BPIFB1: variants seen among roughly 807,000 people sequenced by gnomAD.
BPIFB1 encodes BPI fold containing family B member 1, also known as BPI fold-containing family B member 1.
In BPIFB1, 34 loss-of-function variants were observed where a neutral mutation model predicts 55.1. The ratio of observed to expected loss-of-function variants is 0.62; its 90% CI spans 0.47 to 0.82. BPIFB1 has a LOEUF of 0.82. Among genes scored for constraint, BPIFB1 ranks in the 40% least tolerant of loss-of-function variants. The pLI, the probability that BPIFB1 is intolerant of heterozygous loss-of-function variation, is 0.00. For synonymous variants in BPIFB1, 236 were observed against 245.3 expected, an observed-to-expected ratio of 0.96 and a Z score of 0.35; for missense variants, 532 against 593.1, an observed-to-expected ratio of 0.90 and a Z score of 1.07.
chr20:33,308,845 A>G (rs1981135618), intron 15 of BPIFB1, among the ~76,000 whole-genome samples: 1 of 150,212 alleles, frequency 6.7e-6, no homozygotes, highest in Non-Finnish European at 1.5e-5. Context: ...CACACATAAT[A>G]CACACACCAC....
rs1414570410 is a variant in BPIFB1 at position 33,306,453 on chromosome 20, GA to G, written c.1318+389del. On this transcript the variant is annotated intron_variant, in intron 14 of 15. Transcript: ENST00000253354. ...TCAGTTTCTCCATCTGTAAAATGGGGACGTAGAAGTACCTTCTTCAGAGGCA... is the reference window on the plus strand; with the variant it reads ...TCAGTTTCTCCATCTGTAAAATGGGGCGTAGAAGTACCTTCTTCAGAGGCA... The G allele has an allele frequency of 1.1e-5, 4 of 348,794 alleles. No homozygotes were observed. The East Asian group carries it at 2.2e-4, about 19-fold the overall frequency. The allele number at this position is 348,794 out of a possible 1,614,324, so 21.6% of individuals were successfully genotyped here. A position where few individuals can be genotyped will look rare whatever the true frequency, so the allele number is the denominator to read the frequency against.
In BPIFB1 at chr20:33,306,705, A is replaced by AGGGGCCAGAAGCC. The variant is rs1981038274; in HGVS notation, c.1319-205_1319-193dup. ...GAGAATGTGAGGACTGCATTTTGTG[A>AGGGGCCAGAAGCC]GGGGCCAGAAGCCAGTGCCAGAGGC... On this transcript the variant is annotated intron_variant, in intron 14 of 15. Transcript: ENST00000253354. 5.1e-6 allele frequency: 3 copies of AGGGGCCAGAAGCC among 587,092 alleles called. No homozygotes were observed. In the Admixed American group the frequency reaches 8.9e-5, roughly 17 times the overall value. The allele number at this position is 587,092 out of a possible 1,614,324, so 36.4% of individuals were successfully genotyped here.
chr20:33,283,463 G>C (rs374282815), intron 1 of BPIFB1, among the ~76,000 whole-genome samples: 3 of 152,294 alleles, frequency 2.0e-5, no homozygotes, highest in Admixed American at 1.3e-4. Flanking sequence ...GAAGGGATGG[G>C]GCTGGCTGAG....
intron 7 of BPIFB1, among the ~76,000 whole-genome samples, chr20:33,299,559 G>A (rs1980778339): frequency 6.6e-6 from 1 of 152,188 alleles, no homozygotes; most frequent in African/African-American, 2.4e-5. Context: ...GCATAAAACC[G>A]ACTGGGTTCC....
At chr20:33,297,893 C>T (rs1808439254) in intron 7 of BPIFB1, among the ~76,000 whole-genome samples, 3 of 152,210 alleles carry the variant, frequency 2.0e-5, no homozygotes, top group African/African-American at 7.2e-5. Context: ...TCCTCATCCT[C>T]GGTTTCCTCA....
rs2424968 is a variant in BPIFB1 at position 33,300,631 on chromosome 20, G to A, written c.748-602G>A. On this transcript the variant is annotated intron_variant, in intron 8 of 15. Coordinates refer to ENST00000253354, the MANE Select transcript of BPIFB1 (RefSeq NM_033197.3). ...AGACTGAGTCTCACTCTGTCACCCA[G>A]GCTGGAGTGCAGTGGTGCCATCACA... 5.3e-5 allele frequency among the ~76,000 whole-genome samples: 8 copies of A among 152,320 alleles called. No individual in the cohort carries two copies. The South Asian group carries it at 1.2e-3, about 24-fold the overall frequency.
At chr20:33,291,830 T>TC (rs1980481926) in intron 5 of BPIFB1, 77 bp from the exon 6 acceptor site, 1 of 1,348,642 alleles carries the variant, frequency 7.4e-7, no homozygotes, top group African/African-American at 1.4e-5. Context: ...AGACTCAGCC[T>TC]CCCCCTCTGT....
In BPIFB1 at chr20:33,283,791, A is replaced by T. The variant is rs1254823680; in HGVS notation, c.-42+537A>T. Reference sequence around the variant, plus strand: ...AGCAAAGGCTGGGAGAGGAGGTGCCATATGACAGGGGCGTGTGTGGTGCCT... The same window carrying T: ...AGCAAAGGCTGGGAGAGGAGGTGCCTTATGACAGGGGCGTGTGTGGTGCCT... On this transcript the variant is annotated intron_variant, in intron 1 of 15. Transcript: ENST00000253354. 4.6e-5 allele frequency among the ~76,000 whole-genome samples: 7 copies of T among 152,092 alleles called. No individual in the cohort carries two copies. The East Asian group carries it at 1.4e-3, about 29-fold the overall frequency.
chr20:33,286,303 G>T, intron 2 of BPIFB1, 115 bp downstream of exon 2: 1 of 857,378 alleles, frequency 1.2e-6, no homozygotes, highest in African/African-American at 1.7e-5. Flanking sequence ...TGAGATCCCA[G>T]AACGTGGGTG....
chr20:33,294,464 C>T (rs115548839), intron 6 of BPIFB1, among the ~76,000 whole-genome samples: 50 of 152,178 alleles, frequency 3.3e-4, no homozygotes, highest in Middle Eastern at 3.4e-3. Flanking sequence ...AGCAAAGGTA[C>T]GTATCCAGGG....
At chr20:33,300,009 T>C (rs1447668686) in intron 8 of BPIFB1, 25 bp downstream of exon 8, 4 of 1,597,126 alleles carry the variant, frequency 2.5e-6, no homozygotes, top group Non-Finnish European at 3.4e-6. Context: ...ACCTTGAGGG[T>C]GAAGTGGGGA....
chr20:33,283,424 C>T (rs6057811), intron 1 of BPIFB1, among the ~76,000 whole-genome samples, 170 bp downstream of exon 1: 4,112 of 152,228 alleles, frequency 0.027, 179 homozygotes, highest in African/African-American at 0.093. Flanking sequence ...TGCCCAGCTC[C>T]CTCGCCCAGA....
intron 7 of BPIFB1, 191 bp downstream of exon 7, chr20:33,297,779 T>C: frequency 1.6e-6 from 1 of 631,600 alleles, no homozygotes; most frequent in Non-Finnish European, 2.9e-6. Flanking sequence ...TAGGACTTCA[T>C]GAGCTCTTAC....
chr20:33,287,305 C>T (rs1980301515), intron 2 of BPIFB1, among the ~76,000 whole-genome samples: 1 of 152,222 alleles, frequency 6.6e-6, no homozygotes, highest in African/African-American at 2.4e-5. Flanking sequence ...GGAAAGGCAT[C>T]CCATGAGGGG....
In BPIFB1 at chr20:33,303,018, G is replaced by A. The variant is rs571332816; in HGVS notation, c.1084G>A (p.Val362Met). 76 of 1,614,174 alleles carry A rather than the reference G, an allele frequency of 4.7e-5. No homozygotes were observed. The highest frequency in any genetic ancestry group is 4.7e-4 in the East Asian group (21 of 44,884). Residue 362 changes from valine to methionine, a missense_variant, in exon 11 of 16, where the codon GTG becomes ATG. Val to Met is a conservative substitution (Grantham distance 21). Transcript: ENST00000253354. Reference protein sequence around the residue: ...QGHAKVAQLIVLEVFPSSEAL... With the variant: ...QGHAKVAQLIMLEVFPSSEAL... ...CCATGCCAAGGTGGCCCAACTGATC[G>A]TGCTGGAAGTGTTTCCCTCCAGTGA...
chr20:33,295,171 C>T (rs1319815857), intron 6 of BPIFB1, among the ~76,000 whole-genome samples: 12 of 151,416 alleles, frequency 7.9e-5, no homozygotes, highest in Middle Eastern at 3.4e-3. Context: ...GCTGAGATAA[C>T]GCCACTGCAC....
chr20:33,293,893 TAA>T (rs1316952445), intron 6 of BPIFB1, among the ~76,000 whole-genome samples: 1 of 152,238 alleles, frequency 6.6e-6, no homozygotes, highest in African/African-American at 2.4e-5. Context: ...TGATTCTTAT[TAA>T]GAGTACTTTA....
Position 33,286,065 on chromosome 20 carries a change from C to A in BPIFB1, c.-9C>A, listed in dbSNP as rs761907533. 1.9e-6 allele frequency: 3 copies of A among 1,613,952 alleles called. No individual in the cohort carries two copies. Among genetic ancestry groups the A allele is most frequent in the East Asian group, 2.2e-5 (1 of 44,872 alleles). ...ATCCTGCACTTGCTGCCCTCTGACA[C>A]CTGGGAAGATGGCCGGCCCGTGGAC... On this transcript the variant is annotated 5_prime_UTR_variant, in exon 2 of 16. Coordinates refer to ENST00000253354, the MANE Select transcript of BPIFB1 (RefSeq NM_033197.3).
intron 9 of BPIFB1, among the ~76,000 whole-genome samples, chr20:33,302,114 G>A (rs1286798131): frequency 6.6e-6 from 1 of 152,142 alleles, no homozygotes; most frequent in African/African-American, 2.4e-5. Context: ...TCTGAGATCA[G>A]GAAGCTGCCC....
Sources: allele counts gnomAD v4.1 joint callset (sites outside exome capture counted in the v4.1 genomes callset), GRCh38; gene constraint gnomAD v4.1.1; transcripts MANE v1.5; gene names NCBI Gene and HGNC (gene_info 2026-07-23, HGNC 2026-07-21).